The following MVD variants were observed in gnomAD, a reference collection of about 807,000 sequenced individuals.
MVD encodes the protein diphosphomevalonate decarboxylase.
In MVD, 52 loss-of-function variants were observed where a neutral mutation model predicts 42.4. The ratio of observed to expected loss-of-function variants is 1.23; its 90% confidence interval spans 0.98 to 1.55. The LOEUF (loss-of-function observed/expected upper bound fraction) is 1.55. MVD is among the 40% of genes most tolerant of loss of function. MVD has a pLI of 0.00. For synonymous variants in MVD, 287 were observed against 243.2 expected, an observed-to-expected ratio of 1.18 and a Z score of -1.68; for missense variants, 663 against 572.1, an observed-to-expected ratio of 1.16 and a Z score of -1.62.
intron 1 of MVD, among the ~76,000 whole-genome samples, chr16:88,661,659 C>T (rs1445534291): frequency 3.9e-5 from 6 of 152,116 alleles, no homozygotes; most frequent in South Asian, 4.1e-4. Context: ...AGATGCTCCA[C>T]GTCACTGGCC....
At chr16:88,659,614 C>T (rs570770340) in intron 1 of MVD, among the ~76,000 whole-genome samples, 1 of 152,184 alleles carries the variant, frequency 6.6e-6, no homozygotes, top group Admixed American at 6.5e-5. Context: ...GAAGCTGGAA[C>T]TGCCAACCAA....
chr16:88,656,703 C>T (rs1567615623), intron 4 of MVD: 5 of 272,594 alleles, frequency 1.8e-5, no homozygotes, highest in South Asian at 1.7e-4. Context: ...CCACAAGACG[C>T]GCCCCCTGCC....
intron 1 of MVD, among the ~76,000 whole-genome samples, chr16:88,660,246 A>G (rs770095901): frequency 1.6e-4 from 24 of 152,180 alleles, no homozygotes; most frequent in Non-Finnish European, 3.2e-4. Flanking sequence ...ATCTTGAGCC[A>G]GCACCCCCTC....
Position 88,655,371 on chromosome 16 carries a change from C to T in MVD, c.725G>A (p.Arg242His), listed in dbSNP as rs1177828138. 5 of 1,598,040 alleles carry T rather than the reference C, an allele frequency of 3.1e-6. No individual in the cohort carries two copies. Among genetic ancestry groups the T allele is most frequent in the Admixed American group, 3.4e-5 (2 of 58,212 alleles). The change falls in exon 7 of 10, where the codon CGC (arginine) becomes CAC (histidine). Residue 242 changes from arginine (R) to histidine (H), a missense_variant. Transcript: ENST00000301012. ...GGGGAAGTCTCGCTCCCGGATGCAG[C>T]GGGCCATCTCCGCCATGCGCGCGGG... is the stretch of plus-strand genomic sequence containing the variant. ...VVPARMAEMA[R>H]CIRERDFPSF...
At chr16:88,661,252 G>C (rs1426195848) in intron 1 of MVD, among the ~76,000 whole-genome samples, 1 of 152,118 alleles carries the variant, frequency 6.6e-6, no homozygotes, top group African/African-American at 2.4e-5. Flanking sequence ...TCTTAGACTT[G>C]ACATCAACAT....
chr16:88,662,920 G>A (rs1908403744), intron 1 of MVD, 91 bp downstream of exon 1: 1 of 1,539,552 alleles, frequency 6.5e-7, no homozygotes, highest in Non-Finnish European at 8.8e-7. Flanking sequence ...GGGAGGGCAG[G>A]ACGGAGCGCG....
chr16:88,656,593 G>A (rs943754123), intron 4 of MVD: 26 of 529,526 alleles, frequency 4.9e-5, no homozygotes, highest in Non-Finnish European at 2.4e-5. Context: ...CATGGAAGGC[G>A]GGAGAAAGGC....
chr16:88,654,646 C>T, intron 8 of MVD, 46 bp downstream of exon 8: 1 of 1,562,292 alleles, frequency 6.4e-7, no homozygotes, highest in Non-Finnish European at 8.7e-7. Flanking sequence ...ACCAGAGTTC[C>T]TGGCACCATC....
Position 88,659,976 on chromosome 16 carries a change from C to CAA in MVD, c.71-1258_71-1257dup, listed in dbSNP as rs57506875. On this transcript the variant is annotated intron_variant, in intron 1 of 9. Coordinates refer to ENST00000301012, the MANE Select transcript of MVD (RefSeq NM_002461.3). ...CTGGCAACAGAGGGAGACCCTTTCT[C>CAA]AAAAAAAAAAAAAAAGAAAAGAAAA... 1.5e-4 allele frequency among the ~76,000 whole-genome samples: 20 copies of CAA among 131,998 alleles called. No individual in the cohort carries two copies. The East Asian group carries it at 2.0e-3, about 13-fold the overall frequency. The allele number at this position is 131,998 out of a possible 152,430, so 86.6% of individuals were successfully genotyped here.
At chr16:88,653,255 G>A (rs376058721) in intron 9 of MVD, 45 bp downstream of exon 9, 51 of 1,513,256 alleles carry the variant, frequency 3.4e-5, no homozygotes, top group East Asian at 3.1e-4. Flanking sequence ...GGCCCCCCTG[G>A]CAGGAAAGGA....
chr16:88,662,087 C>T (rs1261464732), intron 1 of MVD: 3 of 152,040 alleles, frequency 2.0e-5, no homozygotes, highest in African/African-American at 7.3e-5. Context: ...TATGTTCACA[C>T]AAAAACCTGT....
At chr16:88,657,797 C>A in intron 3 of MVD, 118 bp downstream of exon 3, 2 of 1,296,628 alleles carry the variant, frequency 1.5e-6, no homozygotes, top group East Asian at 4.9e-5. Flanking sequence ...GCGGGCATGT[C>A]TGGTTCCCAG....
At chr16:88,662,021 T>C (rs953829965) in intron 1 of MVD, 2 of 151,918 alleles carry the variant, frequency 1.3e-5, no homozygotes, top group Non-Finnish European at 2.9e-5. Context: ...TATATATATC[T>C]ACCATCTGAC....
In MVD at chr16:88,662,992, G is replaced by C. The variant is rs542498241; in HGVS notation, c.70+19C>G. On this transcript the variant is annotated intron_variant, in intron 1 of 9. Transcript: ENST00000301012. ...TCGCTCCCGGCCATCCCCGTCCCAG[G>C]CCGGCCCGCGGCACTCACAGTACTT... 1.3e-6 allele frequency: 2 copies of C among 1,590,184 alleles called. No individual in the cohort carries two copies. Among genetic ancestry groups the C allele is most frequent in the Non-Finnish European group, 1.7e-6 (2 of 1,169,400 alleles).
At chr16:88,655,975 C>G (rs1034497133) in intron 5 of MVD, 130 bp downstream of exon 5, 19 of 1,307,032 alleles carry the variant, frequency 1.5e-5, no homozygotes, top group South Asian at 1.4e-5. Flanking sequence ...CGCTTCTGTT[C>G]CTTCAGCCCC....
intron 4 of MVD, 44 bp downstream of exon 4, chr16:88,657,392 G>T: frequency 6.5e-7 from 1 of 1,547,944 alleles, no homozygotes. Context: ...AGTGGCTCCT[G>T]CGCCCACAGC....
At chr16:88,659,785 G>A (rs1908174027) in intron 1 of MVD, among the ~76,000 whole-genome samples, 1 of 152,020 alleles carries the variant, frequency 6.6e-6, no homozygotes. Flanking sequence ...GACCAATATG[G>A]TGAAACCCCA....
chr16:88,652,363 G>A lies in MVD; in HGVS notation c.*162C>T, dbSNP rs555303224. The A allele has an allele frequency of 1.3e-4, 99 of 746,540 alleles. No homozygotes were observed. In the East Asian group the frequency reaches 1.4e-3, roughly 11 times the overall value. The allele number at this position is 746,540 out of a possible 1,614,324, so 46.2% of individuals were successfully genotyped here. A position where few individuals can be genotyped will look rare whatever the true frequency, so the allele number is the denominator to read the frequency against. ...CGGGGACCTCTCCTGACACCTGGGC[G>A]GCCGCAGGACTCCCTGCACTGCCCC... is the stretch of plus-strand genomic sequence containing the variant. On this transcript the variant is annotated 3_prime_UTR_variant, in exon 10 of 10. Coordinates refer to ENST00000301012, the MANE Select transcript of MVD (RefSeq NM_002461.3).
In MVD at chr16:88,662,930, G is replaced by T. The variant is rs1227797505; in HGVS notation, c.70+81C>A. The T allele has an allele frequency of 3.2e-6, 5 of 1,542,522 alleles. No homozygotes were observed. In the East Asian group the frequency reaches 7.5e-5, roughly 23 times the overall value. ...GCCCTGGGAGGGCAGGACGGAGCGC[G>T]CCGCCGAATCAGCGCGCGACCCCCG... On this transcript the variant is annotated intron_variant, in intron 1 of 9. Coordinates refer to ENST00000301012, the MANE Select transcript of MVD (RefSeq NM_002461.3).
Sources: allele counts gnomAD v4.1 joint callset (sites outside exome capture counted in the v4.1 genomes callset), GRCh38; gene constraint gnomAD v4.1.1; transcripts MANE v1.5; gene names NCBI Gene and HGNC (gene_info 2026-07-23, HGNC 2026-07-21).